TNR: variants seen among roughly 807,000 people sequenced by gnomAD.
TNR encodes tenascin-R.
A neutral mutation model predicts 150.4 loss-of-function variants in TNR; 45 were observed. The observed-to-expected ratio is 0.30, with a 90% CI of 0.24 to 0.38. TNR has a LOEUF of 0.38. TNR is among the 10% of genes least tolerant of loss of function. The probability of loss-of-function intolerance (pLI) is 1.00; values close to 1 mark genes in which losing one functional copy is unlikely to be tolerated. For missense variants in TNR, 1,544 were observed against 1,759.1 expected (o/e 0.88, Z 2.19); for synonymous variants, 687 against 678.4 (o/e 1.01, Z -0.20).
chr1:175,334,696 C>A (rs978590286), intron 20 of TNR, among the ~76,000 whole-genome samples: 1 of 152,158 alleles, frequency 6.6e-6, no homozygotes, highest in Admixed American at 6.5e-5. Context: ...TATCCCCAAC[C>A]AATTGGCAGC....
At chr1:175,717,293 A>G (rs1366161752) in intron 1 of TNR, among the ~76,000 whole-genome samples, 1 of 152,106 alleles carries the variant, frequency 6.6e-6, no homozygotes, top group Non-Finnish European at 1.5e-5. Context: ...TAGAGTAGGG[A>G]GGGAGGTAGA....
At chr1:175,636,630 C>T (rs564318892) in intron 1 of TNR, among the ~76,000 whole-genome samples, 3 of 152,188 alleles carry the variant, frequency 2.0e-5, no homozygotes, top group Non-Finnish European at 2.9e-5. Flanking sequence ...CCAACTGTCC[C>T]CTCAAATCTG....
intron 8 of TNR, among the ~76,000 whole-genome samples, chr1:175,381,755 A>G (rs944641629): frequency 1.3e-5 from 2 of 152,352 alleles, no homozygotes; most frequent in South Asian, 2.1e-4. Context: ...AAATTAGATT[A>G]AGTAATTCCC....
At chr1:175,591,691 A>C (rs1437950141) in intron 1 of TNR, among the ~76,000 whole-genome samples, 1 of 152,208 alleles carries the variant, frequency 6.6e-6, no homozygotes, top group African/African-American at 2.4e-5. Flanking sequence ...TGGTTTTCCC[A>C]CCTATTACAT....
chr1:175,524,348 T>C (rs1038688040), intron 2 of TNR, among the ~76,000 whole-genome samples: 1 of 151,932 alleles, frequency 6.6e-6, no homozygotes, highest in Non-Finnish European at 1.5e-5. Flanking sequence ...GAGAAGTGAA[T>C]GGAGAATGTT....
intron 2 of TNR, among the ~76,000 whole-genome samples, chr1:175,508,920 G>T (rs1659060844): frequency 6.6e-6 from 1 of 152,174 alleles, no homozygotes; most frequent in Admixed American, 6.5e-5. Context: ...TCTGACTCCT[G>T]CAGCACCATG....
intron 2 of TNR, among the ~76,000 whole-genome samples, chr1:175,446,110 G>T (rs1166973548): frequency 6.6e-6 from 1 of 152,146 alleles, no homozygotes; most frequent in Non-Finnish European, 1.5e-5. Context: ...CCTCAGTGCA[G>T]GATTTTCTGA....
intron 1 of TNR, among the ~76,000 whole-genome samples, chr1:175,582,298 G>T (rs901028272): frequency 1.3e-5 from 2 of 152,138 alleles, no homozygotes; most frequent in African/African-American, 4.8e-5. Context: ...CAAGAGCTAG[G>T]ACTCACTGTA....
intron 2 of TNR, 81 bp from the exon 3 acceptor site, chr1:175,406,858 A>G: frequency 9.5e-7 from 1 of 1,048,492 alleles, no homozygotes; most frequent in Non-Finnish European, 1.4e-6. Flanking sequence ...TACAAAGCTC[A>G]GGAGTAGGCA....
At chr1:175,482,109 T>C (rs994672863) in intron 2 of TNR, among the ~76,000 whole-genome samples, 2 of 152,230 alleles carry the variant, frequency 1.3e-5, no homozygotes, top group Non-Finnish European at 2.9e-5. Context: ...AGTTTTCTTT[T>C]ATCTTTAGGT....
At chr1:175,476,621 A>C (rs1347569921) in intron 2 of TNR, among the ~76,000 whole-genome samples, 1 of 152,152 alleles carries the variant, frequency 6.6e-6, no homozygotes, top group East Asian at 1.9e-4. Context: ...CATCCTCCCA[A>C]AGCTACACCT....
intron 2 of TNR, among the ~76,000 whole-genome samples, chr1:175,494,900 CT>C (rs1196860602): frequency 1.3e-5 from 2 of 152,214 alleles, no homozygotes; most frequent in African/African-American, 4.8e-5. Flanking sequence ...TCAGGAACTT[CT>C]TTCCTATAAT....
At chr1:175,325,762 T>A (rs1293804365) in intron 21 of TNR, among the ~76,000 whole-genome samples, 3 of 151,244 alleles carry the variant, frequency 2.0e-5, no homozygotes, top group African/African-American at 7.3e-5. Flanking sequence ...GCAAACTATC[T>A]CAAGGACAGA....
chr1:175,737,216 G>T (rs1459974946), intron 1 of TNR, among the ~76,000 whole-genome samples: 1 of 152,118 alleles, frequency 6.6e-6, no homozygotes, highest in Non-Finnish European at 1.5e-5. Flanking sequence ...AAAACTTTCT[G>T]ATTTTCTGTT....
chr1:175,541,192 C>G (rs189076130), intron 1 of TNR, among the ~76,000 whole-genome samples: 2 of 152,276 alleles, frequency 1.3e-5, no homozygotes, highest in African/African-American at 4.8e-5. Context: ...GTACCATAAA[C>G]TCTCGCAATA....
rs188277805 is a variant in TNR, at chr1:175,661,857, C to T, written c.-165+81369G>A. Among the ~76,000 whole-genome samples, 30 of 138,862 alleles carry T rather than the reference C, an allele frequency of 2.2e-4. No homozygotes were observed. The East Asian group carries it at 5.8e-3, about 27-fold the overall frequency. The allele number at this position is 138,862 out of a possible 152,430, so 91.1% of individuals were successfully genotyped here. A position where few individuals can be genotyped will look rare whatever the true frequency, so the allele number is the denominator to read the frequency against. ...TTCTTCCCAAACTGTGTCTCTTTGC[C>T]GCACCCCTCTTTCTCCTGCCTCCAC... On this transcript the variant is annotated intron_variant, in intron 1 of 22. Coordinates refer to ENST00000367674, the MANE Select transcript of TNR (RefSeq NM_003285.3).
At chr1:175,349,224 A>G (rs1264652570) in intron 18 of TNR, among the ~76,000 whole-genome samples, 2 of 152,180 alleles carry the variant, frequency 1.3e-5, no homozygotes, top group Non-Finnish European at 2.9e-5. Context: ...TGACCCAGCA[A>G]TTCCTCTTCT....
intron 1 of TNR, among the ~76,000 whole-genome samples, chr1:175,571,048 C>T (rs1189981314): frequency 6.6e-6 from 1 of 152,186 alleles, no homozygotes; most frequent in Non-Finnish European, 1.5e-5. Context: ...CTGCTCTTCA[C>T]CCAGCCCCAC....
chr1:175,350,514 T>C (rs765343002), intron 18 of TNR, among the ~76,000 whole-genome samples: 38 of 152,224 alleles, frequency 2.5e-4, no homozygotes, highest in Non-Finnish European at 4.7e-4. Flanking sequence ...CAGGCGACAG[T>C]AAATTATAAA....
Sources: gnomAD v4.1 joint callset for allele counts (sites outside exome capture counted in the v4.1 genomes callset) on GRCh38, gnomAD v4.1.1 for gene constraint, MANE v1.5 for transcripts, NCBI Gene and HGNC (gene_info 2026-07-23, HGNC 2026-07-21) for gene names.